Variants in OR4K1 observed in about 807,000 individuals in gnomAD.
The protein encoded by OR4K1 is olfactory receptor family 4 subfamily K member 1.
A neutral mutation model predicts 14.4 loss-of-function variants in OR4K1; 16 were observed. The ratio of observed to expected loss-of-function variants is 1.11; its 90% CI spans 0.75 to 1.68. The LOEUF is 1.68. OR4K1 is among the 40% of genes most tolerant of loss of function. OR4K1 has a pLI of 0.00. For synonymous variants in OR4K1, 181 were observed against 133.1 expected (o/e 1.36, Z -2.48); for missense variants, 548 against 376.9 (o/e 1.45, Z -3.76).
chr14:19,927,068 G>T (rs1882077161), upstream of OR4K1, among the ~76,000 whole-genome samples: 1 of 152,250 alleles, frequency 6.6e-6, no homozygotes, highest in African/African-American at 2.4e-5. Flanking sequence ...TCACACATTG[G>T]AAATGGCATG....
the OR4K1 span, among the ~76,000 whole-genome samples, chr14:19,923,604 ATTAT>A: frequency 2.0e-5 from 3 of 152,254 alleles, no homozygotes; most frequent in Non-Finnish European, 4.4e-5. Flanking sequence ...AAAAATTACA[ATTAT>A]TTATGTAAAA....
In OR4K1 at chr14:19,936,505, C is replaced by T. The variant is rs764753465; in HGVS notation, c.839C>T (p.Pro280Leu). 12 of 1,613,676 alleles carry T rather than the reference C, an allele frequency of 7.4e-6. No individual in the cohort carries two copies. In the South Asian group the frequency reaches 1.3e-4, roughly 18 times the overall value. Residue 280 changes from proline to leucine, a missense_variant, in exon 2 of 2, where the codon CCC (proline) becomes CTC (leucine). Physicochemically the swap from Pro to Leu is moderately conservative, Grantham distance 98. Coordinates refer to ENST00000641172, the MANE Select transcript of OR4K1 (RefSeq NM_001004063.3). ...TCTGTGTTCTACACTGTTTGTACTC[C>T]CTTGTTGAACCCCATCATCTACTCT... ...FLSVFYTVCT[P>L]LLNPIIYSLR...
In OR4K1 at chr14:19,935,570, A is replaced by T. The variant is rs1472789469; in HGVS notation, c.-19-78A>T. On this transcript the variant is annotated intron_variant, in intron 1 of 1. Coordinates refer to ENST00000641172, the MANE Select transcript of OR4K1 (RefSeq NM_001004063.3). ...TGACTATTTCTTTTGTTTAGAATTG[A>T]CTATATTTCTTTTGTTTATAAACTA... is the stretch of plus-strand genomic sequence containing the variant. 1.0e-5 allele frequency: 11 copies of T among 1,070,872 alleles called. No individual in the cohort carries two copies. The Admixed American group carries it at 1.4e-4, about 14-fold the overall frequency. 66.3% of individuals were successfully genotyped at this position (1,070,872 alleles called of 1,614,324 possible). A position where few individuals can be genotyped will look rare whatever the true frequency, so the allele number is the denominator to read the frequency against.
upstream of OR4K1, among the ~76,000 whole-genome samples, chr14:19,926,974 C>T (rs946319853): frequency 1.3e-5 from 2 of 152,246 alleles, no homozygotes; most frequent in Non-Finnish European, 2.9e-5. Context: ...TTCCAAGTGA[C>T]TGCCTACATG....
the OR4K1 span, among the ~76,000 whole-genome samples, chr14:19,923,396 G>T: frequency 6.6e-6 from 1 of 152,226 alleles, no homozygotes; most frequent in East Asian, 1.9e-4. Flanking sequence ...TCCCCTTTAT[G>T]TTCTATAAAC....
At chr14:19,921,257 C>T in the OR4K1 span, 1 of 1,614,138 alleles carries the variant, frequency 6.2e-7, no homozygotes, top group African/African-American at 1.3e-5. Context: ...TGGTCAGCTC[C>T]TACATCATTA....
the OR4K1 span, among the ~76,000 whole-genome samples, chr14:19,924,393 T>C: frequency 1.5e-4 from 3 of 20,228 alleles, no homozygotes; most frequent in African/African-American, 4.0e-4. Flanking sequence ...AGAGCAAAAC[T>C]CCGTATCAAA....
At position 19,936,378 on chromosome 14, in the gene OR4K1, T is replaced by C; in HGVS notation, c.712T>C (p.Ser238Pro). 2 of 1,614,258 alleles carry C rather than the reference T, an allele frequency of 1.2e-6. No individual in the cohort carries two copies. The highest frequency in any genetic ancestry group is 1.7e-6 in the Non-Finnish European group (2 of 1,180,042). ...CTCCAGTGGGTCATCTAAGGCTCTT[T>C]CTACATTAACTGCCCACATCACAGT... is the stretch of plus-strand genomic sequence containing the variant. ...RSSSGSSKAL[S>P]TLTAHITVVI... is the part of the protein sequence containing the mutation. Residue 238 changes from serine to proline, a missense_variant, in exon 2 of 2, where the codon TCT becomes CCT. Ser to Pro is a moderately conservative substitution (Grantham distance 74). Coordinates refer to ENST00000641172, the MANE Select transcript of OR4K1 (RefSeq NM_001004063.3).
chr14:19,936,608 A>C lies in OR4K1; in HGVS notation c.*6A>C. Reference sequence around the variant, plus strand: ...TGAACTCCTGGAAAAACTAGGGATCATTACGAAGGAGCATAATCCTGAATT... The same window carrying C: ...TGAACTCCTGGAAAAACTAGGGATCCTTACGAAGGAGCATAATCCTGAATT... On this transcript the variant is annotated 3_prime_UTR_variant, in exon 2 of 2. Coordinates refer to ENST00000641172, the MANE Select transcript of OR4K1 (RefSeq NM_001004063.3). 3 of 1,580,610 alleles carry C rather than the reference A, an allele frequency of 1.9e-6. No individual in the cohort carries two copies. Among genetic ancestry groups the C allele is most frequent in the South Asian group, 1.2e-5 (1 of 86,604 alleles).
intron 1 of OR4K1, among the ~76,000 whole-genome samples, chr14:19,932,815 A>G (rs1284685463): frequency 6.6e-6 from 1 of 152,148 alleles, no homozygotes; most frequent in Non-Finnish European, 1.5e-5. Flanking sequence ...GTACAAATGC[A>G]TGCCATATGC....
the OR4K1 span, chr14:19,920,451 A>G: frequency 2.7e-5 from 22 of 823,218 alleles, no homozygotes; most frequent in East Asian, 2.9e-4. Flanking sequence ...CAGACATACT[A>G]TTATGGCCTC....
upstream of OR4K1, among the ~76,000 whole-genome samples, chr14:19,929,549 A>G (rs1157533421): frequency 6.6e-6 from 1 of 152,070 alleles, no homozygotes; most frequent in African/African-American, 2.4e-5. Flanking sequence ...CACACAATTT[A>G]TCTCCTAGTA....
the OR4K1 span, among the ~76,000 whole-genome samples, chr14:19,922,071 C>T: frequency 1.6e-5 from 2 of 125,452 alleles, no homozygotes; most frequent in Non-Finnish European, 1.9e-5. Context: ...TATGAGACTC[C>T]CCCCCCCAAA....
intron 1 of OR4K1, among the ~76,000 whole-genome samples, chr14:19,933,369 T>C (rs1226380504): frequency 6.6e-6 from 1 of 152,234 alleles, no homozygotes; most frequent in Non-Finnish European, 1.5e-5. Context: ...TTTAAATTCA[T>C]AACTATAGCT....
Position 19,936,498 on chromosome 14 carries a change from T to G in OR4K1, c.832T>G (p.Cys278Gly). 1 of 1,613,956 alleles carries G rather than the reference T, an allele frequency of 6.2e-7. No homozygotes were observed. Among genetic ancestry groups the G allele is most frequent in the Non-Finnish European group, 8.5e-7 (1 of 1,180,026 alleles). ...ATTTCTTTCTGTGTTCTACACTGTT[T>G]GTACTCCCTTGTTGAACCCCATCAT... ...DKFLSVFYTVCTPLLNPIIYS... is the reference protein window; with the variant it reads ...DKFLSVFYTVGTPLLNPIIYS... Residue 278 changes from cysteine (C) to glycine (G), a missense_variant, in exon 2 of 2, where the codon TGT becomes GGT. By Grantham distance (159) the Cys-to-Gly change is radical. Transcript: ENST00000641172.
In OR4K1 at chr14:19,936,217, T is replaced by G. The variant is rs138642977; in HGVS notation, c.551T>G (p.Val184Gly). The G allele has an allele frequency of 1.5e-3, 2,403 of 1,613,716 alleles. No homozygotes were observed. The highest frequency in any genetic ancestry group is 2.0e-3 in the Admixed American group (119 of 59,994). ...AGCTTCTTTTGTGACCTTCCCTTGG[T>G]GATAGAGCTGGCTTGCATGGATACA... ...VDSFFCDLPL[V>G]IELACMDTYE... Residue 184 changes from valine to glycine, a missense_variant, in exon 2 of 2, where the codon GTG becomes GGG. Physicochemically the swap from Val to Gly is moderately radical, Grantham distance 109 (BLOSUM62 -3). Transcript: ENST00000641172.
upstream of OR4K1, among the ~76,000 whole-genome samples, chr14:19,929,567 T>C (rs925501165): frequency 2.0e-5 from 3 of 152,166 alleles, no homozygotes; most frequent in African/African-American, 7.2e-5. Flanking sequence ...GTAATCTTTG[T>C]AGGCTATTTT....
At chr14:19,932,703 C>T (rs1157084455) in intron 1 of OR4K1, among the ~76,000 whole-genome samples, 1 of 152,194 alleles carries the variant, frequency 6.6e-6, no homozygotes, top group Non-Finnish European at 1.5e-5. Context: ...TAAACTTGGG[C>T]AATTTACTTA....
chr14:19,933,749 C>T (rs1367201464), intron 1 of OR4K1, among the ~76,000 whole-genome samples: 8 of 152,124 alleles, frequency 5.3e-5, no homozygotes, highest in African/African-American at 1.4e-4. Flanking sequence ...TGTGCCACCA[C>T]ACTAATTTTG....
Sources: allele counts gnomAD v4.1 joint callset (sites outside exome capture counted in the v4.1 genomes callset), GRCh38; gene constraint gnomAD v4.1.1; transcripts MANE v1.5; gene names NCBI Gene and HGNC (gene_info 2026-07-23, HGNC 2026-07-21).